LAMB1: variants seen among roughly 807,000 people sequenced by gnomAD.
LAMB1 encodes laminin subunit beta 1.
LAMB1 carries 121 observed loss-of-function variants against 222.3 expected under a neutral mutation model. That is an observed-to-expected ratio of 0.54 (90% CI 0.47 to 0.63). The LOEUF (loss-of-function observed/expected upper bound fraction) is 0.63. LAMB1 is among the 30% of genes least tolerant of loss of function. LAMB1 has a pLI of 0.00. For synonymous variants in LAMB1, 794 were observed against 807.2 expected, an observed-to-expected ratio of 0.98 and a Z score of 0.28; for missense variants, 2,172 against 2,240.8, an observed-to-expected ratio of 0.97 and a Z score of 0.62.
chr7:107,940,475 C>A, intron 24 of LAMB1, 117 bp from the exon 25 acceptor site: 2 of 1,073,328 alleles, frequency 1.9e-6, no homozygotes, highest in Admixed American at 4.8e-5. Context: ...CCATCGACAA[C>A]AATTGACCAA....
chr7:107,929,052 G>T lies in LAMB1; in HGVS notation c.4887+12C>A. 6.2e-7 allele frequency: 1 copy of T among 1,612,492 alleles called. No individual in the cohort carries two copies. Among genetic ancestry groups the T allele is most frequent in the African/African-American group, 1.3e-5 (1 of 75,002 alleles). On this transcript the variant is annotated intron_variant, in intron 31 of 33. Coordinates refer to ENST00000222399, the MANE Select transcript of LAMB1 (RefSeq NM_002291.3). Reference sequence around the variant, plus strand: ...GTGTGTTCCCATTCATGTAATGATTGTGTATGCCTACCGAAGTTAACAGGT... The same window carrying T: ...GTGTGTTCCCATTCATGTAATGATTTTGTATGCCTACCGAAGTTAACAGGT...
At chr7:107,961,702 A>G in intron 15 of LAMB1, 26 bp from the exon 16 acceptor site, 2 of 1,604,534 alleles carry the variant, frequency 1.2e-6, no homozygotes, top group South Asian at 2.2e-5. Context: ...AACAATGAAA[A>G]GATAGTTAGC....
chr7:107,960,607 C>T lies in LAMB1; in HGVS notation c.2152G>A (p.Val718Met), dbSNP rs142742847. The change falls in exon 18 of 34, where the codon GTG (valine) becomes ATG (methionine). Residue 718 changes from valine to methionine, a missense_variant. Physicochemically the swap from Val to Met is conservative, Grantham distance 21. Transcript: ENST00000222399. ...PYCKSLDIFT[V>M]GGSGDGVVTN... ...ACCACCCCATCTCCTGAACCTCCCA[C>T]GGTGAAGATGTCCAGTGATTTACAG... The T allele has an allele frequency of 2.2e-4, 363 of 1,614,226 alleles. 3 individuals are homozygous for T. The East Asian group carries it at 5.9e-3, about 26-fold the overall frequency.
chr7:107,956,772 C>T (rs1440067506), intron 20 of LAMB1, among the ~76,000 whole-genome samples: 1 of 152,180 alleles, frequency 6.6e-6, no homozygotes, highest in Admixed American at 6.5e-5. Context: ...AGCTGTGTAG[C>T]CCCTGTGTTT....
chr7:107,984,326 G>A (rs2034031960), intron 7 of LAMB1, among the ~76,000 whole-genome samples: 1 of 152,196 alleles, frequency 6.6e-6, no homozygotes, highest in South Asian at 2.1e-4. Context: ...TTGGCTCCCT[G>A]CAACCTCCAC....
intron 31 of LAMB1, 102 bp downstream of exon 31, chr7:107,928,962 T>C: frequency 9.1e-7 from 1 of 1,102,150 alleles, no homozygotes; most frequent in Non-Finnish European, 1.4e-6. Flanking sequence ...AATCCTTTAA[T>C]GTTGAGTTGT....
At chr7:107,976,007 T>G in intron 9 of LAMB1, 130 bp from the exon 10 acceptor site, 1 of 707,390 alleles carries the variant, frequency 1.4e-6, no homozygotes, top group South Asian at 2.0e-5. Flanking sequence ...CAAGCAGGAC[T>G]CCTGGGGAAA....
intron 24 of LAMB1, chr7:107,951,002 C>T (rs546511933): frequency 2.0e-5 from 9 of 446,690 alleles, no homozygotes; most frequent in South Asian, 5.8e-5. Flanking sequence ...GGTGTGAGGC[C>T]GGGAGAGTAT....
At chr7:107,976,051 C>G (rs766959712) in intron 9 of LAMB1, among the ~76,000 whole-genome samples, 174 bp from the exon 10 acceptor site, 2 of 151,992 alleles carry the variant, frequency 1.3e-5, no homozygotes, top group Non-Finnish European at 2.9e-5. Context: ...TGTTTAAACC[C>G]TAAAGTAGAT....
rs1395811419 is a variant in LAMB1, at chr7:107,926,207, C to T, written c.5040G>A (p.Lys1680=). 6.2e-7 allele frequency: 1 copy of T among 1,613,656 alleles called. No homozygotes were observed. Among genetic ancestry groups the T allele is most frequent in the Admixed American group, 1.7e-5 (1 of 60,000 alleles). ...CCTTCTTAACATCTTCTGCACTTTGCTTCACAGTATATACTACTTTTTCAA... is the reference window on the plus strand; with the variant it reads ...CCTTCTTAACATCTTCTGCACTTTGTTTCACAGTATATACTACTTTTTCAA... ...EYIEKVVYTV[K]QSAEDVKKTL... is the part of the protein sequence containing the mutation. Residue 1680 remains lysine, a synonymous_variant, in exon 32 of 34, where the codon AAG becomes AAA. Transcript: ENST00000222399.
chr7:107,993,059 C>T (rs143244589), intron 5 of LAMB1, among the ~76,000 whole-genome samples: 97 of 152,272 alleles, frequency 6.4e-4, no homozygotes, highest in African/African-American at 2.3e-3. Flanking sequence ...TACCCAACCC[C>T]ATAGATGTTG....
At chr7:107,945,412 A>G (rs970057732) in intron 24 of LAMB1, among the ~76,000 whole-genome samples, 4 of 152,196 alleles carry the variant, frequency 2.6e-5, no homozygotes, top group African/African-American at 4.8e-5. Flanking sequence ...AACAAAGTCT[A>G]CCCTTAATGG....
rs200792105 is a variant in LAMB1 at position 107,960,523 on chromosome 7, C to T, written c.2236G>A (p.Val746Ile). 46 of 1,614,074 alleles carry T rather than the reference C, an allele frequency of 2.8e-5. No homozygotes were observed. In the East Asian group the frequency reaches 6.7e-4, roughly 23 times the overall value. Residue 746 changes from valine (V) to isoleucine (I), a missense_variant, in exon 18 of 34, where the codon GTT (valine) becomes ATT (isoleucine). Physicochemically the swap from Val to Ile is conservative, Grantham distance 29 (BLOSUM62 3). Transcript: ENST00000222399. The part of the protein sequence containing the change: ...RYRCLENSRS[V>I]VKTPMTDVCR... The stretch of plus-strand genomic sequence containing the variant: ...ACATCTGTCATCGGTGTTTTCACAA[C>T]GCTTCTGCTGTTCTCTAGACATCGG...
At chr7:107,989,851 G>A (rs1217325914) in intron 5 of LAMB1, among the ~76,000 whole-genome samples, 6 of 152,094 alleles carry the variant, frequency 3.9e-5, no homozygotes, top group Non-Finnish European at 7.3e-5. Context: ...GACCATTGAC[G>A]AGTCATCCAA....
rs750362363 is a variant in LAMB1 at position 107,978,129 on chromosome 7, G to A, written c.918C>T (p.Gly306=). ...GHCMCRHNTK[G]LNCELCMDFY... is the part of the protein sequence containing the mutation. ...AATCCATGCAGAGTTCACAGTTTAA[G>A]CCCTTGGTGTTATGCCTGCACATGC... Residue 306 remains glycine, a synonymous_variant, in exon 9 of 34, where the codon GGC becomes GGT. Transcript: ENST00000222399. 6.2e-7 allele frequency: 1 copy of A among 1,614,094 alleles called. No individual in the cohort carries two copies. The highest frequency in any genetic ancestry group is 8.5e-7 in the Non-Finnish European group (1 of 1,179,954).
At chr7:107,992,292 T>C (rs889784693) in intron 5 of LAMB1, among the ~76,000 whole-genome samples, 1 of 152,214 alleles carries the variant, frequency 6.6e-6, no homozygotes, top group African/African-American at 2.4e-5. Flanking sequence ...CTAACAAAGA[T>C]TGTCTGAACT....
chr7:107,995,027 G>C lies in LAMB1; in HGVS notation c.350-67C>G, dbSNP rs6968182. On this transcript the variant is annotated intron_variant, in intron 4 of 33. Transcript: ENST00000222399. ...TAAATAGAAACATCTGTGAATAGTT[G>C]AGACTATTTTTTAAATTACTTTTAT... The C allele has an allele frequency of 0.075, 62,618 of 835,780 alleles. 2,703 individuals are homozygous for C. The highest frequency in any genetic ancestry group is 0.097 in the Admixed American group (4,306 of 44,322). The allele number at this position is 835,780 out of a possible 1,614,324, so 51.8% of individuals were successfully genotyped here. A position where few individuals can be genotyped will look rare whatever the true frequency, so the allele number is the denominator to read the frequency against.
intron 13 of LAMB1, among the ~76,000 whole-genome samples, chr7:107,969,143 C>T (rs1348523845): frequency 6.6e-6 from 1 of 152,052 alleles, no homozygotes; most frequent in Non-Finnish European, 1.5e-5. Flanking sequence ...AAAAAATTAG[C>T]CGGGCATGGT....
chr7:107,955,769 G>T, intron 20 of LAMB1, 139 bp from the exon 21 acceptor site: 1 of 768,034 alleles, frequency 1.3e-6, no homozygotes, highest in Non-Finnish European at 1.9e-6. Context: ...ATCTTGCTCT[G>T]TCACCCAGGC....
Sources: gnomAD v4.1 joint callset for allele counts (sites outside exome capture counted in the v4.1 genomes callset) on GRCh38, gnomAD v4.1.1 for gene constraint, MANE v1.5 for transcripts, NCBI Gene and HGNC (gene_info 2026-07-23, HGNC 2026-07-21) for gene names.